ZNF821: variants seen among roughly 807,000 people sequenced by gnomAD.
ZNF821 encodes the protein zinc finger protein 821.
In ZNF821, 16 loss-of-function variants were observed where a neutral mutation model predicts 44.3. That is an observed-to-expected ratio of 0.36 (90% CI 0.24 to 0.55). The LOEUF (loss-of-function observed/expected upper bound fraction) is 0.55. Among genes scored for constraint, ZNF821 ranks in the 20% least tolerant of loss-of-function variants. The pLI is 0.86. For synonymous variants in ZNF821, 204 were observed against 197.6 expected (o/e 1.03, Z -0.27); for missense variants, 436 against 547.6 (o/e 0.80, Z 2.03).
intron 4 of ZNF821, among the ~76,000 whole-genome samples, chr16:71,865,784 T>C (rs186375269): frequency 6.6e-6 from 1 of 152,320 alleles, no homozygotes; most frequent in African/African-American, 2.4e-5. Flanking sequence ...GGTAACCGAA[T>C]GCATTAAGTG....
rs936233693 is a variant in ZNF821 at position 71,868,272 on chromosome 16, C to T, written c.41-235G>A. Among the ~76,000 whole-genome samples, 3 of 152,242 alleles carry T rather than the reference C, an allele frequency of 2.0e-5. No homozygotes were observed. In the East Asian group the frequency reaches 5.8e-4, roughly 29 times the overall value. On this transcript the variant is annotated intron_variant, in intron 3 of 7. Coordinates refer to ENST00000425432, the MANE Select transcript of ZNF821 (RefSeq NM_001201552.2). ...CTTGCTCCTCTTAAATCCTCCTAGT[C>T]TTGACTCCTTTCAAAAGGTGATCAA...
intron 7 of ZNF821, among the ~76,000 whole-genome samples, chr16:71,861,062 G>C (rs1208949933): frequency 2.6e-5 from 4 of 152,020 alleles, no homozygotes; most frequent in African/African-American, 9.7e-5. Context: ...CACCACATTG[G>C]TCAGGCTGGT....
At chr16:71,876,246 C>T (rs1479097928) in intron 3 of ZNF821, among the ~76,000 whole-genome samples, 1 of 152,128 alleles carries the variant, frequency 6.6e-6, no homozygotes, top group East Asian at 1.9e-4. Flanking sequence ...CTCTGTTGCC[C>T]AGGCTAGAGT....
intron 1 of ZNF821, chr16:71,894,760 TC>T: frequency 2.0e-6 from 2 of 991,554 alleles, no homozygotes; most frequent in South Asian, 1.4e-5. Flanking sequence ...GGTCTGCAAC[TC>T]CCGGGCTCAA....
chr16:71,886,690 T>G (rs1400815073), upstream of ZNF821, among the ~76,000 whole-genome samples: 1 of 152,218 alleles, frequency 6.6e-6, no homozygotes, highest in Admixed American at 6.6e-5. Context: ...ACCATGAAAC[T>G]CATGCTTTTA....
intron 4 of ZNF821, among the ~76,000 whole-genome samples, chr16:71,867,630 G>A (rs866401356): frequency 6.6e-6 from 1 of 151,664 alleles, no homozygotes; most frequent in African/African-American, 2.4e-5. Flanking sequence ...AGGTTGCAGT[G>A]AGCTGAGATC....
intron 1 of ZNF821, chr16:71,883,628 G>C (rs1427764180): frequency 2.6e-5 from 4 of 152,362 alleles, no homozygotes; most frequent in South Asian, 2.1e-4. Flanking sequence ...GTCCCCGCCG[G>C]GGCCCGAGGA....
chr16:71,888,697 T>C (rs895721827), upstream of ZNF821, among the ~76,000 whole-genome samples: 5 of 152,242 alleles, frequency 3.3e-5, no homozygotes, highest in African/African-American at 1.2e-4. Context: ...GGACAATGTT[T>C]AAACTTTTGT....
chr16:71,862,929 T>C (rs1371876872), intron 6 of ZNF821, among the ~76,000 whole-genome samples: 1 of 152,218 alleles, frequency 6.6e-6, no homozygotes, highest in Admixed American at 6.5e-5. Context: ...CGTCTCGTTT[T>C]GTCACCCAGG....
chr16:71,890,790 G>A (rs1211343047), intron 1 of ZNF821: 1 of 8,890 alleles, frequency 1.1e-4, no homozygotes, highest in Non-Finnish European at 2.2e-4. Flanking sequence ...TTTTTTTTTT[G>A]AGAGGGAGTC....
chr16:71,879,490 C>T (rs2036200737), intron 3 of ZNF821, among the ~76,000 whole-genome samples: 1 of 152,098 alleles, frequency 6.6e-6, no homozygotes, highest in African/African-American at 2.4e-5. Context: ...CAGTCTGCAG[C>T]ATCTGTTTGG....
intron 3 of ZNF821, among the ~76,000 whole-genome samples, chr16:71,871,937 T>C (rs2035243505): frequency 6.6e-6 from 1 of 152,008 alleles, no homozygotes; most frequent in African/African-American, 2.4e-5. Context: ...GTTCAAGCGA[T>C]TCTCCTGCCT....
Position 71,860,282 on chromosome 16 carries a change from C to T in ZNF821, c.975G>A (p.Glu325=), listed in dbSNP as rs1253879837. The change falls in exon 8 of 8, where the codon GAG becomes GAA. Residue 325 remains glutamate, a synonymous_variant. Coordinates refer to ENST00000425432, the MANE Select transcript of ZNF821 (RefSeq NM_001201552.2). The surrounding 1 kb of genome is among the most constrained non-coding windows in gnomAD (Gnocchi z 7.3). ...CATTGGCCCGCTTCAGCCTCATGGC[C>T]TCCCGATCCCGCTGCAGCCGGCGTG... ...QRARRLQRDR[E]AMRLKRANET... 1.2e-6 allele frequency: 2 copies of T among 1,613,742 alleles called. No homozygotes were observed. Among genetic ancestry groups the T allele is most frequent in the Non-Finnish European group, 1.7e-6 (2 of 1,180,028 alleles).
chr16:71,882,698 A>G (rs930087844), intron 2 of ZNF821, among the ~76,000 whole-genome samples: 4 of 152,162 alleles, frequency 2.6e-5, no homozygotes, highest in Admixed American at 1.3e-4. Flanking sequence ...ATAATAACAA[A>G]AACACCCACA....
intron 4 of ZNF821, 79 bp from the exon 5 acceptor site, chr16:71,865,127 G>C: frequency 3.9e-6 from 6 of 1,548,792 alleles, no homozygotes; most frequent in Non-Finnish European, 5.3e-6. Context: ...AGAGTTGGCA[G>C]TTACAATAGA....
At chr16:71,868,422 AGTCTCT>A (rs1171079714) in intron 3 of ZNF821, among the ~76,000 whole-genome samples, 1 of 152,206 alleles carries the variant, frequency 6.6e-6, no homozygotes, top group Non-Finnish European at 1.5e-5. Flanking sequence ...ATCTGGGCCA[AGTCTCT>A]GTACCTTAAT....
upstream of ZNF821, among the ~76,000 whole-genome samples, chr16:71,889,559 A>C (rs1376693945): frequency 6.6e-6 from 1 of 152,132 alleles, no homozygotes; most frequent in Non-Finnish European, 1.5e-5. Context: ...TGTAAATCCC[A>C]GCTACCTGGA....
chr16:71,877,676 T>C (rs1387816921), intron 3 of ZNF821, among the ~76,000 whole-genome samples: 1 of 151,846 alleles, frequency 6.6e-6, no homozygotes, highest in Admixed American at 6.6e-5. Context: ...CCCAGCACTT[T>C]GGGAGGCTGA....
At chr16:71,868,368 G>A in intron 3 of ZNF821, among the ~76,000 whole-genome samples, 1 of 152,210 alleles carries the variant, frequency 6.6e-6, no homozygotes, top group Non-Finnish European at 1.5e-5. Context: ...TGGGAAGATA[G>A]AGGCAAGAAG....
Sources: gnomAD v4.1 joint callset for allele counts (sites outside exome capture counted in the v4.1 genomes callset) on GRCh38, gnomAD v4.1.1 for gene constraint, Gnocchi (gnomAD v3.1) non-coding constraint, MANE v1.5 for transcripts, NCBI Gene and HGNC (gene_info 2026-07-23, HGNC 2026-07-21) for gene names.